CAPZA2: variants seen among roughly 807,000 people sequenced by gnomAD.
CAPZA2 encodes F-actin-capping protein subunit alpha-2.
In CAPZA2, 13 loss-of-function variants were observed where a neutral mutation model predicts 44.0. The observed-to-expected ratio is 0.30, with a 90% CI of 0.19 to 0.47. The LOEUF (loss-of-function observed/expected upper bound fraction) is 0.47, where lower values mean the gene tolerates loss of function less well. Ranked by LOEUF, CAPZA2 falls within the 20% of genes least tolerant of loss-of-function variation. The probability of loss-of-function intolerance (pLI) is 1.00; values close to 1 mark genes in which losing one functional copy is unlikely to be tolerated. For synonymous variants in CAPZA2, 94 were observed against 108.2 expected (o/e 0.87, Z 0.81); for missense variants, 244 against 338.6 (o/e 0.72, Z 2.19).
intron 1 of CAPZA2, among the ~76,000 whole-genome samples, chr7:116,864,715 C>T (rs1425120528): frequency 4.6e-5 from 7 of 151,928 alleles, no homozygotes; most frequent in South Asian, 2.1e-4. Flanking sequence ...TAATATTACT[C>T]GTTCTACTGC....
intron 2 of CAPZA2, among the ~76,000 whole-genome samples, chr7:116,890,939 A>C (rs1400375095): frequency 1.3e-5 from 2 of 152,128 alleles, no homozygotes; most frequent in Non-Finnish European, 1.5e-5. Flanking sequence ...TAAAACCTTA[A>C]CAGTTAGATG....
At chr7:116,887,023 T>A (rs1240482079) in intron 1 of CAPZA2, among the ~76,000 whole-genome samples, 4 of 152,246 alleles carry the variant, frequency 2.6e-5, no homozygotes, top group African/African-American at 9.6e-5. Flanking sequence ...TTTCCTAAGA[T>A]CTGGTCAGGT....
intron 9 of CAPZA2, among the ~76,000 whole-genome samples, chr7:116,917,506 C>T (rs1791696739): frequency 6.6e-6 from 1 of 152,200 alleles, no homozygotes; most frequent in Admixed American, 6.5e-5. Context: ...ATCCGCCCAC[C>T]TCAGCCTCCC....
intron 1 of CAPZA2, chr7:116,876,442 G>A (rs929612419): frequency 6.6e-6 from 1 of 151,986 alleles, no homozygotes; most frequent in Non-Finnish European, 1.5e-5. Flanking sequence ...CACATCCATT[G>A]GCTGATAGGA....
intron 5 of CAPZA2, chr7:116,904,684 C>T (rs561705627): frequency 1.9e-4 from 42 of 218,688 alleles, no homozygotes; most frequent in Non-Finnish European, 3.5e-4. Flanking sequence ...TGACTCGTCT[C>T]AGTTTAGATC....
At position 116,862,781 on chromosome 7, in the gene CAPZA2, C is replaced by A. The variant is rs1424260315; in HGVS notation, c.39+131C>A. 4.9e-6 allele frequency: 5 copies of A among 1,020,898 alleles called. No homozygotes were observed. The East Asian group carries it at 1.2e-4, about 25-fold the overall frequency. 63.2% of individuals were successfully genotyped at this position (1,020,898 alleles called of 1,614,324 possible). A position where few individuals can be genotyped will look rare whatever the true frequency, so the allele number is the denominator to read the frequency against. On this transcript the variant is annotated intron_variant, in intron 1 of 9. Coordinates refer to ENST00000361183, the MANE Select transcript of CAPZA2 (RefSeq NM_006136.3). ...CTTGCCCTCGGCTGCCCTTCCTCCC[C>A]CATCCTTACTGCGCCCAGTGCCTGC... is the stretch of plus-strand genomic sequence containing the variant.
intron 5 of CAPZA2, 146 bp downstream of exon 5, chr7:116,904,529 T>G (rs1791459362): frequency 5.0e-6 from 3 of 598,580 alleles, no homozygotes; most frequent in Non-Finnish European, 8.8e-6. Flanking sequence ...TTTACTATTT[T>G]TTCAAGAAAT....
chr7:116,883,533 C>T (rs537763034), intron 1 of CAPZA2, among the ~76,000 whole-genome samples: 19 of 152,300 alleles, frequency 1.2e-4, no homozygotes, highest in East Asian at 7.7e-4. Flanking sequence ...ATTTCAGGCA[C>T]GGCTGGTTTA....
rs1562965735 is a variant in CAPZA2, at chr7:116,920,515, A to G, written c.*2648A>G. 6.6e-6 allele frequency: 1 copy of G among 152,246 alleles called. No individual in the cohort carries two copies. Among genetic ancestry groups the G allele is most frequent in the Non-Finnish European group, 1.5e-5 (1 of 68,128 alleles). 9.4% of individuals were successfully genotyped at this position (152,246 alleles called of 1,614,324 possible). The stretch of plus-strand genomic sequence containing the variant: ...GAGGTCTAGGTATATCCTAAAGGTA[A>G]AATCAGCAAGACCTGGGGAGAGTTT... On this transcript the variant is annotated 3_prime_UTR_variant, in exon 10 of 10. Transcript: ENST00000361183.
chr7:116,877,137 A>G (rs1273420368), intron 1 of CAPZA2, among the ~76,000 whole-genome samples: 2 of 152,190 alleles, frequency 1.3e-5, no homozygotes, highest in Non-Finnish European at 2.9e-5. Context: ...GTTTTCCCTA[A>G]GTGTCAAGGC....
At chr7:116,902,980 T>G (rs115369302) in intron 4 of CAPZA2, among the ~76,000 whole-genome samples, 2,526 of 152,248 alleles carry the variant, frequency 0.017, 92 homozygotes, top group African/African-American at 0.059. Flanking sequence ...CCCAAAGCAC[T>G]AGGATTACAG....
In CAPZA2 at chr7:116,871,455, T is replaced by TTTAA. The variant is rs573536308; in HGVS notation, c.39+8805_39+8806insTTAA. ...AATTGTCAGAATAACCTTGTTATTATCTTCATTGTACAGACAGGAAACTGG... is the reference window on the plus strand; with the variant it reads ...AATTGTCAGAATAACCTTGTTATTATTTAACTTCATTGTACAGACAGGAAACTGG... On this transcript the variant is annotated intron_variant, in intron 1 of 9. Transcript: ENST00000361183. Among the ~76,000 whole-genome samples, 1,062 of 152,310 alleles carry TTTAA rather than the reference T, an allele frequency of 7.0e-3. 11 individuals carry two copies. Among genetic ancestry groups the TTTAA allele is most frequent in the South Asian group, 9.6e-3 (46 of 4,812 alleles).
intron 1 of CAPZA2, among the ~76,000 whole-genome samples, chr7:116,869,496 A>G (rs1172856627): frequency 3.9e-5 from 6 of 152,176 alleles, no homozygotes; most frequent in African/African-American, 1.2e-4. Flanking sequence ...TTCAGTACTG[A>G]TACTTTTTTA....
At chr7:116,866,186 C>CTTTTTTT (rs545644928) in intron 1 of CAPZA2, among the ~76,000 whole-genome samples, 2 of 141,202 alleles carry the variant, frequency 1.4e-5, no homozygotes, top group African/African-American at 5.2e-5. Context: ...GTCCCATAGA[C>CTTTTTTT]TTTTTTTTTT....
At chr7:116,878,755 A>G (rs1796652360) in intron 1 of CAPZA2, among the ~76,000 whole-genome samples, 1 of 152,212 alleles carries the variant, frequency 6.6e-6, no homozygotes, top group East Asian at 1.9e-4. Context: ...ATACATGGGC[A>G]TAAGCCACTC....
intron 4 of CAPZA2, among the ~76,000 whole-genome samples, chr7:116,900,209 C>T (rs988890295): frequency 6.6e-6 from 1 of 151,672 alleles, no homozygotes; most frequent in Non-Finnish European, 1.5e-5. Context: ...TAAACTAAAA[C>T]ATTAAAATAA....
chr7:116,916,037 T>A, intron 8 of CAPZA2, 23 bp from the exon 9 acceptor site: 1 of 1,439,446 alleles, frequency 6.9e-7, no homozygotes, highest in South Asian at 1.3e-5. Context: ...TTACTATTTT[T>A]ATTTTGTTTT....
rs1198062450 is a variant in CAPZA2 at position 116,919,944 on chromosome 7, A to G, written c.*2077A>G. 2 of 149,640 alleles carry G rather than the reference A, an allele frequency of 1.3e-5. No homozygotes were observed. The highest frequency in any genetic ancestry group is 2.0e-4 in the East Asian group (1 of 4,950). The allele number at this position is 149,640 out of a possible 1,614,324, so 9.3% of individuals were successfully genotyped here. A position where few individuals can be genotyped will look rare whatever the true frequency, so the allele number is the denominator to read the frequency against. On this transcript the variant is annotated 3_prime_UTR_variant, in exon 10 of 10. Transcript: ENST00000361183. ...ATGGCACAGAATAGTCTTTTATAGTATAAGAATGGCATTTATTAGGCAGGG... is the reference window on the plus strand; with the variant it reads ...ATGGCACAGAATAGTCTTTTATAGTGTAAGAATGGCATTTATTAGGCAGGG...
intron 8 of CAPZA2, chr7:116,915,765 C>T: frequency 5.4e-6 from 1 of 185,092 alleles, no homozygotes; most frequent in Non-Finnish European, 1.1e-5. Flanking sequence ...TAAAGGTTGT[C>T]TATTGGAATG....
Sources: allele counts gnomAD v4.1 joint callset (sites outside exome capture counted in the v4.1 genomes callset), GRCh38; gene constraint gnomAD v4.1.1; transcripts MANE v1.5; gene names NCBI Gene and HGNC (gene_info 2026-07-23, HGNC 2026-07-21).